The following WDR33 variants were observed in gnomAD, a reference collection of about 807,000 sequenced individuals.
WDR33 encodes the protein pre-mRNA 3' end processing protein WDR33.
Under a neutral mutation model 164.9 loss-of-function variants are expected in WDR33, and 47 were observed. That is an observed-to-expected ratio of 0.29 (90% CI 0.23 to 0.36). WDR33 has a LOEUF of 0.36. Among genes scored for constraint, WDR33 ranks in the 10% least tolerant of loss-of-function variants. WDR33 has a pLI of 1.00. For missense variants in WDR33, 1,137 were observed against 1,754.1 expected, an observed-to-expected ratio of 0.65 and a Z score of 6.28; for synonymous variants, 505 against 589.0, an observed-to-expected ratio of 0.86 and a Z score of 2.06.
intron 1 of WDR33, among the ~76,000 whole-genome samples, chr2:127,794,702 C>T (rs144246103): frequency 0.014 from 2,163 of 150,736 alleles, 82 homozygotes; most frequent in African/African-American, 0.051. Context: ...GGTGTAGTGG[C>T]GGGCAACTGT....
chr2:127,789,449 G>A (rs1411152343), intron 1 of WDR33, among the ~76,000 whole-genome samples: 2 of 133,688 alleles, frequency 1.5e-5, no homozygotes, highest in East Asian at 4.5e-4. Context: ...CTGCAATCCC[G>A]GCACCTCGGG....
intron 1 of WDR33, among the ~76,000 whole-genome samples, chr2:127,785,913 G>A (rs1281734687): frequency 1.3e-5 from 2 of 152,234 alleles, no homozygotes; most frequent in South Asian, 2.1e-4. Context: ...TAAAGTAGGT[G>A]TACCATTCTG....
chr2:127,750,444 C>T (rs1417415240), intron 7 of WDR33, among the ~76,000 whole-genome samples: 3 of 150,904 alleles, frequency 2.0e-5, no homozygotes, highest in Non-Finnish European at 4.4e-5. Flanking sequence ...GTTAGGAGCT[C>T]GAGACCAGCC....
chr2:127,781,021 C>T (rs1031703064), intron 1 of WDR33, among the ~76,000 whole-genome samples: 4 of 151,948 alleles, frequency 2.6e-5, no homozygotes, highest in African/African-American at 7.3e-5. Context: ...CCACCACACC[C>T]GGCTAATTTT....
chr2:127,737,872 T>C (rs1686895318), intron 7 of WDR33: 4 of 1,432,530 alleles, frequency 2.8e-6, no homozygotes, highest in Non-Finnish European at 3.7e-6. Flanking sequence ...CGTGTCAAAG[T>C]AGAAGAGTAG....
At chr2:127,762,703 A>C (rs548689154) in intron 7 of WDR33, 1 of 1,028,028 alleles carries the variant, frequency 9.7e-7, no homozygotes. Context: ...AAGGACTGCC[A>C]GGAGAATGAC....
chr2:127,735,565 C>T lies in WDR33; in HGVS notation c.725-8788G>A, dbSNP rs1462566450. On this transcript the variant is annotated intron_variant, in intron 7 of 21. Transcript: ENST00000322313. The surrounding 1 kb of genome is among the most constrained non-coding windows in gnomAD (Gnocchi z 4.3). The stretch of plus-strand genomic sequence containing the variant: ...AAAGGCAAACAAAGAATTCAAGTAC[C>T]ATCTTGTACAATATTAACAGAACTG... 1 of 985,630 alleles carries T rather than the reference C, an allele frequency of 1.0e-6. No homozygotes were observed. The highest frequency in any genetic ancestry group is 1.2e-6 in the Non-Finnish European group (1 of 829,854). 61.1% of individuals were successfully genotyped at this position (985,630 alleles called of 1,614,324 possible). A position where few individuals can be genotyped will look rare whatever the true frequency, so the allele number is the denominator to read the frequency against.
At chr2:127,746,608 T>C (rs1415263256) in intron 7 of WDR33, among the ~76,000 whole-genome samples, 2 of 152,204 alleles carry the variant, frequency 1.3e-5, no homozygotes, top group Non-Finnish European at 2.9e-5. Flanking sequence ...TGAGAAAGAC[T>C]TGACTTGCCC....
At chr2:127,747,593 C>G (rs923542505) in intron 7 of WDR33, among the ~76,000 whole-genome samples, 1 of 152,138 alleles carries the variant, frequency 6.6e-6, no homozygotes, top group South Asian at 2.1e-4. Flanking sequence ...AAATTCTATA[C>G]GCCAGTGGCA....
chr2:127,798,629 TATG>T (rs765638129), intron 1 of WDR33, among the ~76,000 whole-genome samples: 1 of 152,094 alleles, frequency 6.6e-6, no homozygotes. Flanking sequence ...ATCTGGAATT[TATG>T]ATGTCTTTTA....
At chr2:127,767,164 T>C (rs185121304) in intron 4 of WDR33, among the ~76,000 whole-genome samples, 1 of 152,276 alleles carries the variant, frequency 6.6e-6, no homozygotes, top group East Asian at 1.9e-4. Context: ...CCCTGCTCTC[T>C]ATCATACTCC....
chr2:127,784,514 C>T (rs116297676), intron 1 of WDR33, among the ~76,000 whole-genome samples: 2,171 of 152,198 alleles, frequency 0.014, 64 homozygotes, highest in African/African-American at 0.05. Flanking sequence ...TCCAGAGTAG[C>T]GGGGACTACA....
chr2:127,799,892 TA>T (rs748776488), intron 1 of WDR33, among the ~76,000 whole-genome samples: 38 of 152,194 alleles, frequency 2.5e-4, no homozygotes, highest in Non-Finnish European at 4.7e-4. Context: ...ACCCCGTCTC[TA>T]AAATATATAA....
At chr2:127,733,380 C>G (rs756662455) in intron 7 of WDR33, among the ~76,000 whole-genome samples, 1 of 152,142 alleles carries the variant, frequency 6.6e-6, no homozygotes, top group East Asian at 1.9e-4. Context: ...GTGATATGGG[C>G]ACATGAAAGA....
chr2:127,707,082 GAAAAGCACAAAAACCCA>G (rs1219470433), intron 21 of WDR33, among the ~76,000 whole-genome samples: 1 of 151,938 alleles, frequency 6.6e-6, no homozygotes, highest in Non-Finnish European at 1.5e-5. Flanking sequence ...AAAAACAAAA[GAAAAGCACAAAAACCCA>G]AAAACCCCAC....
In WDR33 at chr2:127,714,417, T is replaced by A. The variant is rs1165257931; in HGVS notation, c.2870-396A>T. 6.6e-6 allele frequency among the ~76,000 whole-genome samples: 1 copy of A among 152,238 alleles called. No individual in the cohort carries two copies. The highest frequency in any genetic ancestry group is 1.5e-5 in the Non-Finnish European group (1 of 68,042). On this transcript the variant is annotated intron_variant, in intron 17 of 21. Coordinates refer to ENST00000322313, the MANE Select transcript of WDR33 (RefSeq NM_018383.5). The surrounding 1 kb of genome is among the most constrained non-coding windows in gnomAD (Gnocchi z 4.3). ...AGGAGGACACAACAGAGGAAATTAA[T>A]GCTGCAGGCCAGGAAGCGTGCCAAG... is the stretch of plus-strand genomic sequence containing the variant.
chr2:127,719,327 T>C lies in WDR33; in HGVS notation c.2698A>G (p.Ile900Val). 2 of 1,501,778 alleles carry C rather than the reference T, an allele frequency of 1.3e-6. No individual in the cohort carries two copies. Among genetic ancestry groups the C allele is most frequent in the Non-Finnish European group, 1.8e-6 (2 of 1,125,954 alleles). 93.0% of individuals were successfully genotyped at this position (1,501,778 alleles called of 1,614,324 possible). A position where few individuals can be genotyped will look rare whatever the true frequency, so the allele number is the denominator to read the frequency against. The change falls in exon 16 of 22, where the codon ATA becomes GTA. Residue 900 changes from isoleucine to valine, a missense_variant. Ile to Val is a conservative substitution (Grantham distance 29). This residue lies in a region of WDR33 where 867 missense variants were observed against 1,073.0 expected (regional missense o/e 0.81). Coordinates refer to ENST00000322313, the MANE Select transcript of WDR33 (RefSeq NM_018383.5). The surrounding 1 kb of genome is among the most constrained non-coding windows in gnomAD (Gnocchi z 6.5). ...GGCGTTTTCTGTTGCTGGAATGGTA[T>C]TGGCCCTTGAGATGGATGTGGCCCT... ...ARGPHPSQGPIPFQQQKTPLL... is the reference protein window; with the variant it reads ...ARGPHPSQGPVPFQQQKTPLL...
chr2:127,736,207 GA>G, intron 7 of WDR33: 2 of 985,406 alleles, frequency 2.0e-6, no homozygotes, highest in Non-Finnish European at 2.4e-6. Flanking sequence ...GCTGATTTTG[GA>G]AATGTGAAAC....
chr2:127,722,091 A>C lies in WDR33; in HGVS notation c.1519-103T>G, dbSNP rs1686456032. ...TGTCATCTGCTCAATCTAACCTCTG[A>C]ACCGATTTTATTTCTTTTTACCTTT... is the stretch of plus-strand genomic sequence containing the variant. On this transcript the variant is annotated intron_variant, in intron 14 of 21. Coordinates refer to ENST00000322313, the MANE Select transcript of WDR33 (RefSeq NM_018383.5). The surrounding 1 kb of genome is among the most constrained non-coding windows in gnomAD (Gnocchi z 5.1). 7.5e-7 allele frequency: 1 copy of C among 1,325,946 alleles called. No homozygotes were observed. The highest frequency in any genetic ancestry group is 1.4e-5 in the South Asian group (1 of 73,436). 82.1% of individuals were successfully genotyped at this position (1,325,946 alleles called of 1,614,324 possible).
Sources: gnomAD v4.1 joint callset for allele counts (sites outside exome capture counted in the v4.1 genomes callset) on GRCh38, gnomAD v4.1.1 for gene constraint, gnomAD v4.1.1 regional missense constraint, Gnocchi (gnomAD v3.1) non-coding constraint, MANE v1.5 for transcripts, NCBI Gene and HGNC (gene_info 2026-07-23, HGNC 2026-07-21) for gene names.